Variants in AGBL1 observed in about 807,000 individuals in gnomAD.
AGBL1 encodes the protein cytosolic carboxypeptidase 4.
Under a neutral mutation model 118.9 loss-of-function variants are expected in AGBL1, and 130 were observed. That is an observed-to-expected ratio of 1.09 (90% CI 0.95 to 1.26). The LOEUF is 1.26. AGBL1 is among the 50% of genes most tolerant of loss of function. AGBL1 has a pLI of 0.00. For missense variants in AGBL1, 1,584 were observed against 1,298.1 expected, an observed-to-expected ratio of 1.22 and a Z score of -3.38; for synonymous variants, 555 against 478.9, an observed-to-expected ratio of 1.16 and a Z score of -2.08.
At chr15:86,187,103 T>C (rs907217993) in intron 5 of AGBL1, among the ~76,000 whole-genome samples, 5 of 152,204 alleles carry the variant, frequency 3.3e-5, no homozygotes, top group African/African-American at 1.2e-4. Flanking sequence ...CAAACTATGC[T>C]GCAAACGCAC....
chr15:86,558,232 A>G (rs1231141663), intron 21 of AGBL1, among the ~76,000 whole-genome samples: 1 of 152,132 alleles, frequency 6.6e-6, no homozygotes, highest in Non-Finnish European at 1.5e-5. Context: ...GGACCCAGGC[A>G]CTCAATTTCC....
At chr15:86,666,482 T>C (rs906053166) in intron 21 of AGBL1, among the ~76,000 whole-genome samples, 1 of 152,142 alleles carries the variant, frequency 6.6e-6, no homozygotes, top group Non-Finnish European at 1.5e-5. Context: ...ATGAAGATAA[T>C]GTGATTATTC....
chr15:86,857,838 C>T (rs987484062), intron 22 of AGBL1, among the ~76,000 whole-genome samples: 13 of 152,270 alleles, frequency 8.5e-5, no homozygotes, highest in East Asian at 1.9e-4. Flanking sequence ...CCACTCCAGT[C>T]GGCCTGGAAT....
At position 86,267,211 on chromosome 15, in the gene AGBL1, T is replaced by C. The variant is rs1230216823; in HGVS notation, c.1838+135T>C. 4.2e-6 allele frequency: 3 copies of C among 711,452 alleles called. No individual in the cohort carries two copies. The South Asian group carries it at 5.3e-5, about 13-fold the overall frequency. The allele number at this position is 711,452 out of a possible 1,614,324, so 44.1% of individuals were successfully genotyped here. A position where few individuals can be genotyped will look rare whatever the true frequency, so the allele number is the denominator to read the frequency against. ...AGCCATGGTGGGAATATTTATATCATAAAAATTGGCAAACAGTACGAGTGA... is the reference window on the plus strand; with the variant it reads ...AGCCATGGTGGGAATATTTATATCACAAAAATTGGCAAACAGTACGAGTGA... On this transcript the variant is annotated intron_variant, in intron 13 of 22. Coordinates refer to ENST00000614907, the MANE Select transcript of AGBL1 (RefSeq NM_001386094.1).
downstream of AGBL1, among the ~76,000 whole-genome samples, chr15:86,917,054 G>C (rs1464926255): frequency 1.3e-5 from 2 of 152,214 alleles, no homozygotes; most frequent in Non-Finnish European, 2.9e-5. The surrounding 1 kb of genome is among the most constrained non-coding windows in gnomAD (Gnocchi z 4.8). Context: ...GGGTGGGGCA[G>C]GGAAGAATCT....
At chr15:86,328,210 AT>A (rs2080215145) in intron 17 of AGBL1, among the ~76,000 whole-genome samples, 1 of 152,216 alleles carries the variant, frequency 6.6e-6, no homozygotes. Flanking sequence ...GTTAATGCTT[AT>A]TGTGATTCTT....
At chr15:86,906,318 T>G (rs867445195) in intron 22 of AGBL1, among the ~76,000 whole-genome samples, 25 of 152,362 alleles carry the variant, frequency 1.6e-4, no homozygotes, top group Middle Eastern at 3.4e-3. Context: ...TGCTGTAAAG[T>G]TTTTGTTAAT....
At chr15:86,803,025 G>T (rs1356795513) in intron 22 of AGBL1, among the ~76,000 whole-genome samples, 3 of 152,180 alleles carry the variant, frequency 2.0e-5, no homozygotes, top group African/African-American at 4.8e-5. Flanking sequence ...TCCTAAGGAA[G>T]TGAGGGTTCT....
chr15:86,890,292 A>ATT lies in AGBL1; in HGVS notation c.3159-16793_3159-16792dup, dbSNP rs1275546059. Among the ~76,000 whole-genome samples, 5 of 152,004 alleles carry ATT rather than the reference A, an allele frequency of 3.3e-5. No individual in the cohort carries two copies. The East Asian group carries it at 9.7e-4, about 29-fold the overall frequency. On this transcript the variant is annotated intron_variant, in intron 22 of 22. Coordinates refer to ENST00000614907, the MANE Select transcript of AGBL1 (RefSeq NM_001386094.1). Reference sequence around the variant, plus strand: ...TCCTTGTAGACTCTGTGTATTAGACATTTGTCAGATGGATAGATTGCAAAA... The same window carrying ATT: ...TCCTTGTAGACTCTGTGTATTAGACATTTTTGTCAGATGGATAGATTGCAAAA...
rs1157674222 is a variant in AGBL1 at position 86,636,702 on chromosome 15, CATAT to C, written c.2995-37517_2995-37514del. On this transcript the variant is annotated intron_variant, in intron 21 of 22. Coordinates refer to ENST00000614907, the MANE Select transcript of AGBL1 (RefSeq NM_001386094.1). ...TACAGCTTTGCATGGAACCACCAGT[CATAT>C]ATATATATATATATATATATATATA... Among the ~76,000 whole-genome samples the C allele has an allele frequency of 4.3e-3, 114 of 26,722 alleles. 2 individuals are homozygous for C. Among genetic ancestry groups the C allele is most frequent in the Middle Eastern group, 0.021 (1 of 48 alleles). The allele number at this position is 26,722 out of a possible 152,430, so 17.5% of individuals were successfully genotyped here. A position where few individuals can be genotyped will look rare whatever the true frequency, so the allele number is the denominator to read the frequency against.
intron 4 of AGBL1, 97 bp downstream of exon 4, chr15:86,154,658 T>G (rs2077164348): frequency 7.2e-7 from 1 of 1,397,916 alleles, no homozygotes; most frequent in Non-Finnish European, 9.5e-7. Context: ...AAAGCATGGG[T>G]GAGAGATACA....
intron 15 of AGBL1, among the ~76,000 whole-genome samples, chr15:86,272,974 A>G (rs946414799): frequency 6.6e-6 from 1 of 152,182 alleles, no homozygotes; most frequent in Non-Finnish European, 1.5e-5. Flanking sequence ...CTGTAACTGC[A>G]GGAAAAAAAA....
chr15:86,244,163 A>G (rs1176257819), intron 6 of AGBL1, among the ~76,000 whole-genome samples: 1 of 152,094 alleles, frequency 6.6e-6, no homozygotes, highest in Non-Finnish European at 1.5e-5. Context: ...TTTTGTTTCA[A>G]GGAAAATCTT....
chr15:86,834,953 T>C (rs2079151722), intron 22 of AGBL1, among the ~76,000 whole-genome samples: 1 of 152,130 alleles, frequency 6.6e-6, no homozygotes, highest in South Asian at 2.1e-4. Flanking sequence ...CAGTACTTCT[T>C]AAGACTACTC....
intron 22 of AGBL1, among the ~76,000 whole-genome samples, chr15:86,722,253 A>T (rs979392661): frequency 1.3e-5 from 2 of 152,216 alleles, no homozygotes; most frequent in Non-Finnish European, 2.9e-5. Context: ...CTGACTTCAA[A>T]CTCTACTACA....
At chr15:86,414,125 T>C (rs1036618211) in intron 18 of AGBL1, among the ~76,000 whole-genome samples, 1 of 152,136 alleles carries the variant, frequency 6.6e-6, no homozygotes, top group Non-Finnish European at 1.5e-5. Flanking sequence ...CTAAATAATG[T>C]ATACACATGA....
chr15:86,916,857 C>T (rs533589753), downstream of AGBL1, among the ~76,000 whole-genome samples: 18 of 152,244 alleles, frequency 1.2e-4, no homozygotes, highest in Admixed American at 4.6e-4. Flanking sequence ...CTGCAGGGAC[C>T]GAGGCCAGGC....
chr15:86,179,198 A>T (rs913401008), intron 5 of AGBL1, among the ~76,000 whole-genome samples: 6 of 152,258 alleles, frequency 3.9e-5, no homozygotes, highest in Non-Finnish European at 7.3e-5. Flanking sequence ...ATGGTTAAGC[A>T]TTATGAGAGC....
rs575741401 is a variant in AGBL1 at position 86,347,431 on chromosome 15, T to G, written c.2375-49935T>G. ...GTTACGTCCTAGTAGACTGAGCATG[T>G]TTTCCTGCAATGGGTGAGTCATTGG... On this transcript the variant is annotated intron_variant, in intron 17 of 22. Transcript: ENST00000614907. Among the ~76,000 whole-genome samples the G allele has an allele frequency of 7.5e-4, 114 of 152,206 alleles. 2 individuals carry two copies. Among genetic ancestry groups the G allele is most frequent in the Non-Finnish European group, 1.4e-3 (95 of 68,028 alleles).
Sources: allele counts gnomAD v4.1 joint callset (sites outside exome capture counted in the v4.1 genomes callset), GRCh38; gene constraint gnomAD v4.1.1; non-coding constraint Gnocchi (gnomAD v3.1); transcripts MANE v1.5; gene names NCBI Gene and HGNC (gene_info 2026-07-23, HGNC 2026-07-21).